NKAIN3: variants seen among roughly 807,000 people sequenced by gnomAD.
NKAIN3 encodes the protein sodium/potassium transporting ATPase interacting 3, also known as sodium/potassium-transporting ATPase subunit beta-1-interacting protein 3.
Under a neutral mutation model 30.2 loss-of-function variants are expected in NKAIN3, and 25 were observed. That is an observed-to-expected ratio of 0.83 (90% CI 0.60 to 1.16). The LOEUF is 1.16. Ranked by LOEUF, NKAIN3 falls within the 50% of genes most tolerant of loss-of-function variation. NKAIN3 has a pLI of 0.00. For synonymous variants in NKAIN3, 91 were observed against 89.6 expected (o/e 1.02, Z -0.09); for missense variants, 225 against 254.1 (o/e 0.89, Z 0.78).
chr8:62,499,250 A>G (rs953177309), intron 1 of NKAIN3, among the ~76,000 whole-genome samples: 2 of 152,130 alleles, frequency 1.3e-5, no homozygotes, highest in Non-Finnish European at 2.9e-5. Context: ...CACACTCTGG[A>G]GATAGTAACT....
chr8:62,914,970 C>A (rs1207447110), intron 4 of NKAIN3, among the ~76,000 whole-genome samples: 1 of 151,974 alleles, frequency 6.6e-6, no homozygotes, highest in Non-Finnish European at 1.5e-5. Flanking sequence ...CCCACAGGCC[C>A]TGGTGTGTGA....
chr8:62,738,601 CAA>C (rs3032912), intron 3 of NKAIN3, among the ~76,000 whole-genome samples: 52 of 124,972 alleles, frequency 4.2e-4, no homozygotes, highest in African/African-American at 1.2e-3. Context: ...ACTCCATCTC[CAA>C]AAAAAAAAAA....
At chr8:62,788,812 T>C (rs929787352) in intron 4 of NKAIN3, among the ~76,000 whole-genome samples, 2 of 152,036 alleles carry the variant, frequency 1.3e-5, no homozygotes, top group African/African-American at 4.8e-5. Flanking sequence ...CATTGCTTGT[T>C]TTTGTCAGGT....
chr8:62,845,449 C>A (rs1354164447), intron 4 of NKAIN3, among the ~76,000 whole-genome samples: 1 of 151,638 alleles, frequency 6.6e-6, no homozygotes, highest in Non-Finnish European at 1.5e-5. Context: ...CACCATCCCA[C>A]AGGACCTGAA....
chr8:62,581,820 ACTTCCT>A (rs1810305864), intron 2 of NKAIN3, among the ~76,000 whole-genome samples: 1 of 34,880 alleles, frequency 2.9e-5, no homozygotes, highest in African/African-American at 1.1e-4. Flanking sequence ...TTCCTTCTTT[ACTTCCT>A]TCCCTCTTTC....
chr8:62,731,065 C>G (rs1214605071), intron 3 of NKAIN3, among the ~76,000 whole-genome samples: 1 of 152,116 alleles, frequency 6.6e-6, no homozygotes, highest in African/African-American at 2.4e-5. Context: ...CAAAAATCTA[C>G]CCTACACTCC....
In NKAIN3 at chr8:62,450,824, G is replaced by A. The variant is rs577429935; in HGVS notation, c.55-128715G>A. 9.9e-5 allele frequency among the ~76,000 whole-genome samples: 15 copies of A among 152,228 alleles called. No homozygotes were observed. In the South Asian group the frequency reaches 3.1e-3, roughly 32 times the overall value. The stretch of plus-strand genomic sequence containing the variant: ...AAAATGATGAAATTCATAAATAAAG[G>A]ATCTTGAAAGAATGTCTTATGTTAT... On this transcript the variant is annotated intron_variant, in intron 1 of 6. Coordinates refer to ENST00000623646, the MANE Select transcript of NKAIN3 (RefSeq NM_001304533.3).
intron 1 of NKAIN3, among the ~76,000 whole-genome samples, chr8:62,480,170 A>C (rs911756002): frequency 6.6e-6 from 1 of 152,110 alleles, no homozygotes; most frequent in African/African-American, 2.4e-5. Flanking sequence ...CCCATCTCCC[A>C]GACCCTAATA....
intron 1 of NKAIN3, among the ~76,000 whole-genome samples, chr8:62,363,093 G>C (rs1816617491): frequency 6.6e-6 from 1 of 152,216 alleles, no homozygotes; most frequent in African/African-American, 2.4e-5. Context: ...CCATACTTAA[G>C]TTTGCTGTAA....
intron 3 of NKAIN3, among the ~76,000 whole-genome samples, chr8:62,675,949 C>G (rs1230293712): frequency 6.6e-6 from 1 of 152,196 alleles, no homozygotes; most frequent in African/African-American, 2.4e-5. Context: ...TACCCACCCA[C>G]AAACAATACA....
intron 1 of NKAIN3, among the ~76,000 whole-genome samples, chr8:62,418,386 A>G (rs903303658): frequency 1.3e-5 from 2 of 152,222 alleles, no homozygotes; most frequent in African/African-American, 4.8e-5. Flanking sequence ...TTCTTCTCTG[A>G]TAGAGATGAA....
intron 4 of NKAIN3, among the ~76,000 whole-genome samples, chr8:62,783,689 C>A (rs552606683): frequency 8.0e-5 from 12 of 149,090 alleles, no homozygotes; most frequent in Non-Finnish European, 1.5e-4. Flanking sequence ...CTGCTCACTG[C>A]AGCCTCAACC....
intron 5 of NKAIN3, chr8:62,990,146 T>G (rs1293585833): frequency 1.8e-6 from 2 of 1,099,850 alleles, no homozygotes; most frequent in East Asian, 2.6e-5. Context: ...ATTTTAAAAA[T>G]CAACTTATTT....
chr8:62,617,386 G>A (rs546734169), intron 3 of NKAIN3, among the ~76,000 whole-genome samples: 29 of 152,256 alleles, frequency 1.9e-4, no homozygotes, highest in Non-Finnish European at 3.2e-4. Context: ...CACTAATCAT[G>A]CAATCTTTAA....
chr8:62,568,476 C>G (rs1809824674), intron 1 of NKAIN3, among the ~76,000 whole-genome samples: 1 of 152,266 alleles, frequency 6.6e-6, no homozygotes, highest in Non-Finnish European at 1.5e-5. Context: ...ATCGTTTTCA[C>G]TCTGCCAGTT....
intron 4 of NKAIN3, among the ~76,000 whole-genome samples, chr8:62,902,029 G>T (rs1464115602): frequency 6.6e-6 from 1 of 152,204 alleles, no homozygotes; most frequent in African/African-American, 2.4e-5. Context: ...TGCCCAGAGG[G>T]TGGTGCCTGA....
intron 4 of NKAIN3, among the ~76,000 whole-genome samples, chr8:62,801,363 AC>A (rs1818056662): frequency 6.6e-6 from 1 of 152,022 alleles, no homozygotes; most frequent in South Asian, 2.1e-4. Flanking sequence ...ACTGGGAGGC[AC>A]CCCCCGATAG....
chr8:62,434,745 T>C (rs530820480), intron 1 of NKAIN3, among the ~76,000 whole-genome samples: 4 of 152,118 alleles, frequency 2.6e-5, no homozygotes, highest in Non-Finnish European at 5.9e-5. Flanking sequence ...CATATGTTTG[T>C]GATTTGAAAA....
In NKAIN3 at chr8:62,685,925, CTCTATA is replaced by C. The variant is rs1449587668; in HGVS notation, c.274-61003_274-60998del. Reference sequence around the variant, plus strand: ...CTCCAAAGCTTTCCTCATGAACTGACTCTATATCTGTATCCATAAAGTTTTAATAAT... The same window carrying C: ...CTCCAAAGCTTTCCTCATGAACTGACTCTGTATCCATAAAGTTTTAATAAT... On this transcript the variant is annotated intron_variant, in intron 3 of 6. Transcript: ENST00000623646. 2.0e-5 allele frequency among the ~76,000 whole-genome samples: 3 copies of C among 152,302 alleles called. No homozygotes were observed. In the East Asian group the frequency reaches 5.8e-4, roughly 29 times the overall value.
Sources: gnomAD v4.1 joint callset for allele counts (sites outside exome capture counted in the v4.1 genomes callset) on GRCh38, gnomAD v4.1.1 for gene constraint, MANE v1.5 for transcripts, NCBI Gene and HGNC (gene_info 2026-07-23, HGNC 2026-07-21) for gene names.